Variants in EPHA7 observed in about 807,000 individuals in gnomAD.
EPHA7 encodes EPH receptor A7.
In EPHA7, 25 loss-of-function variants were observed where a neutral mutation model predicts 112.6. The observed-to-expected ratio is 0.22, with a 90% CI of 0.16 to 0.31. The LOEUF (loss-of-function observed/expected upper bound fraction) is 0.31. Among genes scored for constraint, EPHA7 ranks in the 10% least tolerant of loss-of-function variants. EPHA7 has a pLI of 1.00. For missense variants in EPHA7, 962 were observed against 1,212.6 expected, an observed-to-expected ratio of 0.79 and a Z score of 3.07; for synonymous variants, 437 against 406.5, an observed-to-expected ratio of 1.07 and a Z score of -0.90.
chr6:93,358,188 T>C (rs1158492538), intron 4 of EPHA7, 68 bp downstream of exon 4: 7 of 1,178,262 alleles, frequency 5.9e-6, no homozygotes, highest in Admixed American at 6.0e-5. Context: ...ATCTATTTCA[T>C]TGATGTCACA....
intron 3 of EPHA7, among the ~76,000 whole-genome samples, chr6:93,402,221 T>C (rs936034309): frequency 3.3e-5 from 5 of 152,044 alleles, no homozygotes; most frequent in African/African-American, 7.2e-5. Flanking sequence ...TCTATCCTTC[T>C]TTATTTACTG....
chr6:93,409,380 A>T (rs957386249), intron 3 of EPHA7, among the ~76,000 whole-genome samples: 2 of 152,084 alleles, frequency 1.3e-5, no homozygotes, highest in South Asian at 2.1e-4. Flanking sequence ...TACTCTTGAT[A>T]TCCTCTATTT....
At chr6:93,309,677 CCATT>C (rs1313564174) in intron 5 of EPHA7, among the ~76,000 whole-genome samples, 2 of 151,520 alleles carry the variant, frequency 1.3e-5, no homozygotes, top group Non-Finnish European at 2.9e-5. Flanking sequence ...AAATTCATAC[CCATT>C]CAAATATACC....
intron 5 of EPHA7, among the ~76,000 whole-genome samples, chr6:93,351,259 C>T (rs1343070549): frequency 6.6e-6 from 1 of 152,048 alleles, no homozygotes. Context: ...GTAGAGCACT[C>T]CCCATGGAGT....
chr6:93,264,199 A>T (rs1770822629), intron 8 of EPHA7, among the ~76,000 whole-genome samples: 2 of 151,584 alleles, frequency 1.3e-5, no homozygotes, highest in Admixed American at 1.3e-4. Context: ...AAAAATATTC[A>T]TGAGTCACAA....
chr6:93,299,813 G>A (rs576132719), intron 5 of EPHA7, among the ~76,000 whole-genome samples: 10 of 152,294 alleles, frequency 6.6e-5, no homozygotes, highest in African/African-American at 1.9e-4. Context: ...ATGAGATCAC[G>A]TCTTTTGCAG....
chr6:93,340,445 C>T (rs531743358), intron 5 of EPHA7, among the ~76,000 whole-genome samples: 4 of 151,726 alleles, frequency 2.6e-5, no homozygotes, highest in Non-Finnish European at 4.4e-5. Flanking sequence ...ATCCAAAATG[C>T]TCCAAAGTTA....
chr6:93,307,873 T>C (rs1282495529), intron 5 of EPHA7, among the ~76,000 whole-genome samples: 2 of 152,166 alleles, frequency 1.3e-5, no homozygotes, highest in African/African-American at 2.4e-5. Flanking sequence ...GTAACTTCTA[T>C]GGTTACTCAA....
chr6:93,296,977 A>C (rs1487855868), intron 5 of EPHA7, among the ~76,000 whole-genome samples: 1 of 152,006 alleles, frequency 6.6e-6, no homozygotes, highest in Non-Finnish European at 1.5e-5. Flanking sequence ...ACAGGTCACT[A>C]TATGAAATGA....
chr6:93,339,667 C>A (rs897119459), intron 5 of EPHA7, among the ~76,000 whole-genome samples: 1 of 151,570 alleles, frequency 6.6e-6, no homozygotes, highest in Non-Finnish European at 1.5e-5. Context: ...TCTCTAGATG[C>A]ATTATTACAT....
At chr6:93,405,269 C>T (rs893045878) in intron 3 of EPHA7, among the ~76,000 whole-genome samples, 1 of 151,538 alleles carries the variant, frequency 6.6e-6, no homozygotes, top group African/African-American at 2.4e-5. Flanking sequence ...CATTGATATT[C>T]TATAGAGTAA....
intron 3 of EPHA7, among the ~76,000 whole-genome samples, chr6:93,366,007 T>C (rs557548704): frequency 2.0e-5 from 3 of 152,282 alleles, no homozygotes; most frequent in African/African-American, 7.2e-5. Flanking sequence ...AAACAAAGCA[T>C]TATGTGAACA....
chr6:93,244,106 CTAAATT>C (rs1338775098), intron 16 of EPHA7, among the ~76,000 whole-genome samples: 1 of 152,096 alleles, frequency 6.6e-6, no homozygotes, highest in Non-Finnish European at 1.5e-5. Context: ...AAATGTACAT[CTAAATT>C]TAATAGCTTA....
intron 5 of EPHA7, among the ~76,000 whole-genome samples, chr6:93,322,032 GAATT>G (rs1012688239): frequency 1.3e-5 from 2 of 151,640 alleles, no homozygotes; most frequent in African/African-American, 4.8e-5. Flanking sequence ...AAGATTCATT[GAATT>G]AATGAATGAA....
At chr6:93,285,187 T>C (rs1384940342) in intron 5 of EPHA7, among the ~76,000 whole-genome samples, 8 of 152,206 alleles carry the variant, frequency 5.3e-5, no homozygotes, top group African/African-American at 9.6e-5. Context: ...TTCTGCTAAA[T>C]ACATTTTGAT....
At chr6:93,369,169 A>G (rs1004593269) in intron 3 of EPHA7, among the ~76,000 whole-genome samples, 1 of 126,332 alleles carries the variant, frequency 7.9e-6, no homozygotes, top group Non-Finnish European at 1.6e-5. Context: ...AAAAGAAAAG[A>G]AAAATAAAGG....
intron 5 of EPHA7, among the ~76,000 whole-genome samples, chr6:93,331,708 C>T (rs939942649): frequency 1.3e-5 from 2 of 151,552 alleles, no homozygotes; most frequent in Non-Finnish European, 3.0e-5. Flanking sequence ...ATAACTTCCC[C>T]ATGTAATTTG....
intron 5 of EPHA7, among the ~76,000 whole-genome samples, chr6:93,296,140 C>T (rs956185428): frequency 1.3e-5 from 2 of 151,042 alleles, no homozygotes; most frequent in Non-Finnish European, 3.0e-5. Context: ...ATTACATAGC[C>T]CCTTATAGAT....
chr6:93,302,855 T>A (rs1317080449), intron 5 of EPHA7, among the ~76,000 whole-genome samples: 1 of 152,000 alleles, frequency 6.6e-6, no homozygotes, highest in Non-Finnish European at 1.5e-5. Context: ...AAACCACACT[T>A]AAAGCACAGA....
Sources: allele counts gnomAD v4.1 joint callset (sites outside exome capture counted in the v4.1 genomes callset), GRCh38; gene constraint gnomAD v4.1.1; transcripts MANE v1.5; gene names NCBI Gene and HGNC (gene_info 2026-07-23, HGNC 2026-07-21).